The following HSDL2 variants were observed in gnomAD, a reference collection of about 807,000 sequenced individuals.
The protein encoded by HSDL2 is hydroxysteroid dehydrogenase-like protein 2.
In HSDL2, 27 loss-of-function variants were observed where a neutral mutation model predicts 46.3. The observed-to-expected ratio is 0.58, with a 90% confidence interval of 0.43 to 0.80. The LOEUF (loss-of-function observed/expected upper bound fraction) is 0.80. HSDL2 is among the 30% of genes least tolerant of loss of function. HSDL2 has a pLI of 0.00. For synonymous variants in HSDL2, 153 were observed against 163.6 expected, an observed-to-expected ratio of 0.94 and a Z score of 0.50; for missense variants, 451 against 502.7, an observed-to-expected ratio of 0.90 and a Z score of 0.98.
chr9:112,451,539 A>G (rs1053615354), intron 8 of HSDL2, among the ~76,000 whole-genome samples: 1 of 152,228 alleles, frequency 6.6e-6, no homozygotes, highest in Admixed American at 6.5e-5. Context: ...TGTCTTATCT[A>G]AAATAGTCTT....
At chr9:112,435,745 GACAA>G (rs1278821805) in intron 6 of HSDL2, among the ~76,000 whole-genome samples, 2 of 151,402 alleles carry the variant, frequency 1.3e-5, no homozygotes, top group Non-Finnish European at 2.9e-5. Context: ...CTGTTTTTTT[GACAA>G]ACAAATAGGG....
chr9:112,457,988 C>T (rs1188285781), intron 9 of HSDL2, among the ~76,000 whole-genome samples: 1 of 152,202 alleles, frequency 6.6e-6, no homozygotes. Flanking sequence ...TATCATCTTC[C>T]TTCCATGACA....
chr9:112,387,058 A>G (rs1297969010), intron 1 of HSDL2, among the ~76,000 whole-genome samples: 1 of 152,228 alleles, frequency 6.6e-6, no homozygotes, highest in Non-Finnish European at 1.5e-5. Context: ...AGATAGTTAT[A>G]AAAGTTTGAA....
At chr9:112,425,668 G>C (rs1832227438) in intron 6 of HSDL2, among the ~76,000 whole-genome samples, 1 of 152,052 alleles carries the variant, frequency 6.6e-6, no homozygotes, top group Admixed American at 6.6e-5. Context: ...TACTTATTCT[G>C]TATTCCAGAT....
chr9:112,421,209 C>T (rs1356185593), intron 6 of HSDL2, among the ~76,000 whole-genome samples: 1 of 152,084 alleles, frequency 6.6e-6, no homozygotes, highest in Non-Finnish European at 1.5e-5. Flanking sequence ...TGCCTGTGGT[C>T]ACAGCTTCTC....
intron 1 of HSDL2, among the ~76,000 whole-genome samples, chr9:112,383,253 A>G: frequency 6.6e-6 from 1 of 151,950 alleles, no homozygotes. Flanking sequence ...TTGTAATTTT[A>G]GTAGAGATGG....
intron 9 of HSDL2, among the ~76,000 whole-genome samples, chr9:112,457,432 G>A (rs749558197): frequency 9.2e-5 from 14 of 152,088 alleles, no homozygotes; most frequent in Non-Finnish European, 1.6e-4. Flanking sequence ...CTTGAGCTCA[G>A]GAGTTCGAGA....
chr9:112,462,292 T>C (rs1324747840), intron 10 of HSDL2, among the ~76,000 whole-genome samples: 1 of 152,104 alleles, frequency 6.6e-6, no homozygotes, highest in Non-Finnish European at 1.5e-5. Context: ...GGCAAAACCC[T>C]GTCTCTACCA....
intron 9 of HSDL2, among the ~76,000 whole-genome samples, chr9:112,457,941 T>A (rs557332539): frequency 1.1e-3 from 171 of 152,356 alleles, no homozygotes; most frequent in South Asian, 2.5e-3. Flanking sequence ...CCATTTATTA[T>A]CTACACTGCA....
At chr9:112,433,267 C>T (rs137873259) in intron 6 of HSDL2, among the ~76,000 whole-genome samples, 2 of 152,242 alleles carry the variant, frequency 1.3e-5, no homozygotes, top group African/African-American at 2.4e-5. Context: ...ACTTTCTGTG[C>T]GGTGGAACTA....
At chr9:112,380,416 C>T (rs1187927553) in intron 1 of HSDL2, among the ~76,000 whole-genome samples, 1 of 152,062 alleles carries the variant, frequency 6.6e-6, no homozygotes, top group African/African-American at 2.4e-5. Flanking sequence ...GAAACCTTTT[C>T]CACGGGTAAA....
chr9:112,470,388 G>C, intron 10 of HSDL2, 44 bp from the exon 11 acceptor site: 1 of 1,150,744 alleles, frequency 8.7e-7, no homozygotes, highest in East Asian at 2.4e-5. Flanking sequence ...ATATCCCTAA[G>C]GGCACTAATG....
intron 8 of HSDL2, among the ~76,000 whole-genome samples, chr9:112,447,628 T>G (rs192491625): frequency 7.1e-4 from 108 of 152,294 alleles, no homozygotes; most frequent in Middle Eastern, 3.4e-3. Flanking sequence ...TTTAGCAGCC[T>G]CTGCTTGGTC....
At chr9:112,380,720 C>T (rs916187528) in intron 1 of HSDL2, among the ~76,000 whole-genome samples, 1 of 151,896 alleles carries the variant, frequency 6.6e-6, no homozygotes, top group African/African-American at 2.4e-5. Context: ...GCCATCTTAA[C>T]CGTTTTTTAA....
intron 6 of HSDL2, among the ~76,000 whole-genome samples, chr9:112,423,382 C>T (rs1474573394): frequency 6.6e-6 from 1 of 152,166 alleles, no homozygotes; most frequent in African/African-American, 2.4e-5. Context: ...GTTCTTGTCG[C>T]CCAGGCTGGA....
intron 6 of HSDL2, among the ~76,000 whole-genome samples, chr9:112,426,985 A>G (rs974938482): frequency 1.7e-4 from 26 of 152,216 alleles, no homozygotes; most frequent in African/African-American, 4.3e-4. Context: ...CAGCCCTCAC[A>G]TCTCCATCTC....
rs1284543675 is a variant in HSDL2, at chr9:112,430,566, G to A, written c.599-7865G>A. On this transcript the variant is annotated intron_variant, in intron 6 of 10. Transcript: ENST00000398805. ...TTCTGATGAGCCTAGATTCTTGAGG[G>A]GCAAAGGGGGGAACAGTTAGGAGGC... Among the ~76,000 whole-genome samples the A allele has an allele frequency of 2.0e-5, 3 of 152,258 alleles. No homozygotes were observed. In the East Asian group the frequency reaches 5.8e-4, roughly 29 times the overall value.
chr9:112,404,003 C>A lies in HSDL2; in HGVS notation c.26C>A (p.Ala9Glu), dbSNP rs1265140547. Residue 9 changes from alanine to glutamate, a missense_variant, in exon 2 of 11, where the codon GCA (alanine) becomes GAA (glutamate). Physicochemically the swap from Ala to Glu is moderately radical, Grantham distance 107. Transcript: ENST00000398805. ...TATTTGTTCTGTTGTAGGAGGCTGG[C>A]AGGATGTACAGTTTTTATCACAGGT... MLPNTGRL[A>E]GCTVFITGAS... The A allele has an allele frequency of 6.2e-7, 1 of 1,613,802 alleles. No homozygotes were observed. Among genetic ancestry groups the A allele is most frequent in the East Asian group, 2.2e-5 (1 of 44,874 alleles).
rs1248324393 is a variant in HSDL2 at position 112,471,740 on chromosome 9, TGGTTTGAGA to T, written c.*1199_*1207del. The T allele has an allele frequency of 2.6e-5, 4 of 152,026 alleles. No homozygotes were observed. The highest frequency in any genetic ancestry group is 4.4e-5 in the Non-Finnish European group (3 of 68,008). The allele number at this position is 152,026 out of a possible 1,614,324, so 9.4% of individuals were successfully genotyped here. On this transcript the variant is annotated 3_prime_UTR_variant, in exon 11 of 11. Transcript: ENST00000398805. ...TGGCAGCCCTAGCAAGCTAATACAG[TGGTTTGAGA>T]GGCTGGGAGGGTTGAGGGGAAGATA... is the stretch of plus-strand genomic sequence containing the variant.
Sources: gnomAD v4.1 joint callset for allele counts (sites outside exome capture counted in the v4.1 genomes callset) on GRCh38, gnomAD v4.1.1 for gene constraint, MANE v1.5 for transcripts, NCBI Gene and HGNC (gene_info 2026-07-23, HGNC 2026-07-21) for gene names.